Variants in SENP1 observed in about 807,000 individuals in gnomAD.
SENP1 encodes the protein SUMO specific peptidase 1.
SENP1 carries 21 observed loss-of-function variants against 93.0 expected under a neutral mutation model. The ratio of observed to expected loss-of-function variants is 0.23; its 90% confidence interval spans 0.16 to 0.33. SENP1 has a LOEUF of 0.33. Among genes scored for constraint, SENP1 ranks in the 10% least tolerant of loss-of-function variants. SENP1 has a pLI of 1.00. For missense variants in SENP1, 591 were observed against 758.7 expected, an observed-to-expected ratio of 0.78 and a Z score of 2.60; for synonymous variants, 256 against 259.6, an observed-to-expected ratio of 0.99 and a Z score of 0.13.
chr12:48,063,674 T>C, intron 13 of SENP1, 36 bp downstream of exon 13: 1 of 1,590,926 alleles, frequency 6.3e-7, no homozygotes, highest in South Asian at 1.1e-5. Context: ...CCACTTAATG[T>C]TTACTATTTG....
intron 16 of SENP1, 102 bp from the exon 17 acceptor site, chr12:48,046,553 AT>A (rs1941381059): frequency 2.4e-6 from 2 of 849,460 alleles, no homozygotes; most frequent in Admixed American, 3.9e-5. Flanking sequence ...GTTTCTCTAA[AT>A]TACAAACAGA....
At chr12:48,075,236 CAA>C (rs965191106) in intron 6 of SENP1, among the ~76,000 whole-genome samples, 13 of 151,648 alleles carry the variant, frequency 8.6e-5, no homozygotes, top group Admixed American at 2.0e-4. Context: ...CAAAACAAAA[CAA>C]AACAAAACAA....
intron 2 of SENP1, among the ~76,000 whole-genome samples, chr12:48,098,770 C>T (rs1945732950): frequency 1.3e-5 from 2 of 152,052 alleles, no homozygotes; most frequent in Non-Finnish European, 2.9e-5. Context: ...TATCATCACA[C>T]CACTGCACTC....
At chr12:48,053,629 C>G (rs545540481) in intron 13 of SENP1, among the ~76,000 whole-genome samples, 1 of 152,244 alleles carries the variant, frequency 6.6e-6, no homozygotes, top group East Asian at 1.9e-4. Flanking sequence ...AGAATATGCT[C>G]TCTACACACC....
intron 4 of SENP1, among the ~76,000 whole-genome samples, chr12:48,090,920 T>C (rs1333848603): frequency 1.3e-5 from 2 of 152,092 alleles, no homozygotes; most frequent in Admixed American, 6.5e-5. Flanking sequence ...AGTGAGAGTT[T>C]AACATGATAG....
At chr12:48,085,501 C>G (rs1944792256) in intron 5 of SENP1, 2 of 550,998 alleles carry the variant, frequency 3.6e-6, no homozygotes. Context: ...CATCAGCCTT[C>G]TTTACATTTT....
chr12:48,046,896 T>C (rs1941411439), intron 16 of SENP1, 82 bp downstream of exon 16: 1 of 869,376 alleles, frequency 1.2e-6, no homozygotes, highest in African/African-American at 1.7e-5. Flanking sequence ...ACACAGGTGG[T>C]CCCTGGGAAT....
chr12:48,076,642 G>T (rs57863747), intron 6 of SENP1, among the ~76,000 whole-genome samples: 30,642 of 144,204 alleles, frequency 0.21, 3,715 homozygotes, highest in East Asian at 0.53. Context: ...TGTAGTTTTT[G>T]CTTTTTTTTT....
At chr12:48,073,361 C>A (rs1262567744) in intron 8 of SENP1, among the ~76,000 whole-genome samples, 2 of 149,100 alleles carry the variant, frequency 1.3e-5, no homozygotes, top group Non-Finnish European at 3.0e-5. Context: ...TGTAGCTATA[C>A]AATGATGCTA....
chr12:48,090,031 AAAG>A (rs1383775151), intron 4 of SENP1, among the ~76,000 whole-genome samples: 2 of 152,222 alleles, frequency 1.3e-5, no homozygotes, highest in African/African-American at 2.4e-5. Flanking sequence ...AAATAGGAAA[AAAG>A]AAGAAGTCAT....
Position 48,097,912 on chromosome 12 carries a change from T to C in SENP1, c.135+82A>G, listed in dbSNP as rs994163693. ...TTATAGCTATGCTTGTATTTTTGAGTGTGGCATTTAAACTACATAAGATGA... is the reference window on the plus strand; with the variant it reads ...TTATAGCTATGCTTGTATTTTTGAGCGTGGCATTTAAACTACATAAGATGA... On this transcript the variant is annotated intron_variant, in intron 3 of 17. Transcript: ENST00000549518. 2.4e-6 allele frequency: 3 copies of C among 1,235,662 alleles called. No homozygotes were observed. The Admixed American group carries it at 7.3e-5, about 30-fold the overall frequency. The allele number at this position is 1,235,662 out of a possible 1,614,324, so 76.5% of individuals were successfully genotyped here.
chr12:48,053,322 C>A (rs6580652), intron 13 of SENP1, among the ~76,000 whole-genome samples: 107,407 of 151,480 alleles, frequency 0.71, 38,995 homozygotes, highest in East Asian at 0.99. Flanking sequence ...AACTAAAAAC[C>A]AACAAAAAAG....
chr12:48,062,026 C>G (rs1942993506), intron 13 of SENP1, among the ~76,000 whole-genome samples: 1 of 152,156 alleles, frequency 6.6e-6, no homozygotes, highest in African/African-American at 2.4e-5. Context: ...ATTAACTTAG[C>G]TTGCTAAAAA....
Position 48,049,075 on chromosome 12 carries a change from T to G in SENP1, c.1465A>C (p.Ser489Arg). ...AAAAAGGTATTAAATGCATGCACACTTGGCAAGCCCTTCTCTTTACTTCGC... is the reference window on the plus strand; with the variant it reads ...AAAAAGGTATTAAATGCATGCACACGTGGCAAGCCCTTCTCTTTACTTCGC... ...MERSKEKGLP[S>R]VHAFNTFFFT... The change falls in exon 14 of 18, where the codon AGT becomes CGT. Residue 489 changes from serine (S) to arginine (R), a missense_variant. Physicochemically the swap from Ser to Arg is moderately radical, Grantham distance 110. Coordinates refer to ENST00000549518, the MANE Select transcript of SENP1 (RefSeq NM_001267594.2). 1.9e-6 allele frequency: 3 copies of G among 1,606,882 alleles called. No homozygotes were observed. The highest frequency in any genetic ancestry group is 2.6e-6 in the Non-Finnish European group (3 of 1,175,736).
At chr12:48,104,464 C>T (rs1458166891) in intron 1 of SENP1, among the ~76,000 whole-genome samples, 1 of 151,986 alleles carries the variant, frequency 6.6e-6, no homozygotes, top group Admixed American at 6.6e-5. Context: ...AGGTTCTTTC[C>T]TTCTATTTTT....
intron 13 of SENP1, among the ~76,000 whole-genome samples, chr12:48,057,412 TAG>T (rs1014792846): frequency 6.1e-5 from 9 of 148,098 alleles, no homozygotes; most frequent in African/African-American, 2.2e-4. Context: ...GTATTTTTAG[TAG>T]AGACAGGGTT....
chr12:48,058,144 C>T, intron 13 of SENP1, among the ~76,000 whole-genome samples: 1 of 151,598 alleles, frequency 6.6e-6, no homozygotes, highest in Non-Finnish European at 1.5e-5. Context: ...CGGGGTTTCA[C>T]CATGTTGGCC....
At chr12:48,067,303 C>T (rs1168057418) in intron 9 of SENP1, among the ~76,000 whole-genome samples, 3 of 152,186 alleles carry the variant, frequency 2.0e-5, no homozygotes, top group Admixed American at 2.0e-4. Context: ...ATACATTAAG[C>T]TAGAACATTG....
At chr12:48,055,155 GC>G in intron 13 of SENP1, 1 of 256,678 alleles carries the variant, frequency 3.9e-6, no homozygotes, top group South Asian at 6.4e-5. Flanking sequence ...AGCCACATTT[GC>G]CACAGGTTGA....
Sources: allele counts gnomAD v4.1 joint callset (sites outside exome capture counted in the v4.1 genomes callset), GRCh38; gene constraint gnomAD v4.1.1; transcripts MANE v1.5; gene names NCBI Gene and HGNC (gene_info 2026-07-23, HGNC 2026-07-21).